OPN3: variants seen among roughly 807,000 people sequenced by gnomAD.
OPN3 encodes the protein opsin-3.
OPN3 carries 29 observed loss-of-function variants against 33.8 expected under a neutral mutation model. The ratio of observed to expected loss-of-function variants is 0.86; its 90% confidence interval spans 0.64 to 1.17. The LOEUF (loss-of-function observed/expected upper bound fraction) is 1.17, where lower values mean the gene tolerates loss of function less well. Ranked by LOEUF, OPN3 falls within the 50% of genes most tolerant of loss-of-function variation. The pLI is 0.00. For synonymous variants in OPN3, 216 were observed against 216.1 expected (o/e 1.00, Z 0.00); for missense variants, 437 against 514.1 (o/e 0.85, Z 1.45).
intron 1 of OPN3, among the ~76,000 whole-genome samples, chr1:241,639,628 T>C (rs962414800): frequency 6.7e-5 from 10 of 149,548 alleles, no homozygotes; most frequent in African/African-American, 2.5e-4. Flanking sequence ...GGGGGGCAGA[T>C]GAGAGACCAC....
intron 1 of OPN3, among the ~76,000 whole-genome samples, chr1:241,610,335 G>A (rs1049870642): frequency 6.6e-6 from 1 of 152,226 alleles, no homozygotes; most frequent in Non-Finnish European, 1.5e-5. Context: ...ACAAAGCTGT[G>A]TCGGGGAGCT....
At position 241,630,498 on chromosome 1, in the gene OPN3, CTT is replaced by C. The variant is rs993460469; in HGVS notation, c.373+9382_373+9383del. The C allele has an allele frequency of 1.4e-4, 22 of 152,086 alleles. No individual in the cohort carries two copies. The East Asian group carries it at 3.5e-3, about 24-fold the overall frequency. 9.4% of individuals were successfully genotyped at this position (152,086 alleles called of 1,614,324 possible). On this transcript the variant is annotated intron_variant, in intron 1 of 3. Coordinates refer to ENST00000366554, the MANE Select transcript of OPN3 (RefSeq NM_014322.3). Reference sequence around the variant, plus strand: ...GTATCCTGCAACTTCTTGAATTAGTCTTTGTTAGTACATTTTTATACTATAAG... The same window carrying C: ...GTATCCTGCAACTTCTTGAATTAGTCTGTTAGTACATTTTTATACTATAAG...
chr1:241,607,588 GAAA>G lies in OPN3; in HGVS notation c.374-3012_374-3010del, dbSNP rs1273588833. On this transcript the variant is annotated intron_variant, in intron 1 of 3. Coordinates refer to ENST00000366554, the MANE Select transcript of OPN3 (RefSeq NM_014322.3). ...GAAAGAAAGAAAGAAAAGAAAGAAAGAAAGGAAGAAAGAGAGAAAGGAGGGAAG... is the reference window on the plus strand; with the variant it reads ...GAAAGAAAGAAAGAAAAGAAAGAAAGGGAAGAAAGAGAGAAAGGAGGGAAG... Among the ~76,000 whole-genome samples the G allele has an allele frequency of 1.6e-3, 219 of 138,498 alleles. 2 individuals are homozygous for G. Among genetic ancestry groups the G allele is most frequent in the African/African-American group, 5.5e-3 (200 of 36,224 alleles). The allele number at this position is 138,498 out of a possible 152,430, so 90.9% of individuals were successfully genotyped here. A position where few individuals can be genotyped will look rare whatever the true frequency, so the allele number is the denominator to read the frequency against.
intron 2 of OPN3, among the ~76,000 whole-genome samples, chr1:241,601,485 A>G (rs1057114121): frequency 3.3e-5 from 5 of 152,048 alleles, no homozygotes; most frequent in Non-Finnish European, 7.4e-5. Context: ...CGGGCAGATC[A>G]TGAGGTCAGG....
At chr1:241,605,454 C>T (rs145071014) in intron 1 of OPN3, among the ~76,000 whole-genome samples, 21 of 152,262 alleles carry the variant, frequency 1.4e-4, no homozygotes, top group African/African-American at 2.2e-4. Flanking sequence ...TCACGTGTAC[C>T]GCTATTTTGC....
chr1:241,623,428 A>G (rs567538248), intron 1 of OPN3, among the ~76,000 whole-genome samples: 1 of 152,272 alleles, frequency 6.6e-6, no homozygotes, highest in South Asian at 2.1e-4. Flanking sequence ...CATCTTCCAT[A>G]TGGACACAAA....
intron 1 of OPN3, chr1:241,629,519 G>A (rs1350353062): frequency 6.6e-6 from 1 of 152,040 alleles, no homozygotes; most frequent in Non-Finnish European, 1.5e-5. Flanking sequence ...TATGCATATA[G>A]TTTTACAAAA....
At chr1:241,603,315 T>C (rs1276170726) in intron 2 of OPN3, among the ~76,000 whole-genome samples, 1 of 152,100 alleles carries the variant, frequency 6.6e-6, no homozygotes, top group East Asian at 1.9e-4. Flanking sequence ...GCAGACTTAC[T>C]TGATAAGAAT....
chr1:241,638,399 G>C (rs1032132193), intron 1 of OPN3, among the ~76,000 whole-genome samples: 4 of 152,056 alleles, frequency 2.6e-5, no homozygotes, highest in African/African-American at 9.7e-5. Flanking sequence ...TCAAACTCCC[G>C]GGCACGAAAA....
At chr1:241,634,674 G>A in intron 1 of OPN3, 1 of 1,614,016 alleles carries the variant, frequency 6.2e-7, no homozygotes, top group South Asian at 1.1e-5. Flanking sequence ...CCGAGACACT[G>A]AAGGAAGTTT....
chr1:241,640,311 G>T lies in OPN3; in HGVS notation c.-57C>A. On this transcript the variant is annotated 5_prime_UTR_variant, in exon 1 of 4. Coordinates refer to ENST00000366554, the MANE Select transcript of OPN3 (RefSeq NM_014322.3). ...GCGCTCAGCTTGCGGCGGGGCTCGC[G>T]GCGCGCTCCGCACTGGGTGGGGTTG... 9.1e-7 allele frequency: 1 copy of T among 1,100,544 alleles called. No individual in the cohort carries two copies. The highest frequency in any genetic ancestry group is 4.4e-5 in the South Asian group (1 of 22,510). The allele number at this position is 1,100,544 out of a possible 1,614,324, so 68.2% of individuals were successfully genotyped here.
At chr1:241,608,287 G>C (rs1663894215) in intron 1 of OPN3, among the ~76,000 whole-genome samples, 1 of 152,152 alleles carries the variant, frequency 6.6e-6, no homozygotes, top group South Asian at 2.1e-4. Context: ...AAAGCAATAA[G>C]CTGGTAAAAT....
At chr1:241,602,651 T>C (rs569203866) in intron 2 of OPN3, among the ~76,000 whole-genome samples, 1 of 151,114 alleles carries the variant, frequency 6.6e-6, no homozygotes, top group East Asian at 1.9e-4. Context: ...GAGAGAGAGA[T>C]AGAGATAGAG....
intron 1 of OPN3, chr1:241,615,856 G>A (rs1286378906): frequency 1.1e-5 from 5 of 456,500 alleles, no homozygotes; most frequent in Non-Finnish European, 1.8e-5. Context: ...TTGCATACCT[G>A]CATGCAGATA....
chr1:241,622,050 G>C (rs1191885136), intron 1 of OPN3, among the ~76,000 whole-genome samples: 2 of 152,174 alleles, frequency 1.3e-5, no homozygotes, highest in African/African-American at 4.8e-5. Context: ...TGGGGAGAGA[G>C]AGTGAGACAT....
chr1:241,627,045 TATTAGA>T (rs1363340317), intron 1 of OPN3, among the ~76,000 whole-genome samples: 1 of 152,172 alleles, frequency 6.6e-6, no homozygotes, highest in African/African-American at 2.4e-5. Flanking sequence ...GTCCAGAGTG[TATTAGA>T]ATTAAATATA....
chr1:241,607,680 G>A (rs1663875080), intron 1 of OPN3, among the ~76,000 whole-genome samples: 1 of 145,756 alleles, frequency 6.9e-6, no homozygotes, highest in African/African-American at 2.5e-5. Context: ...AAGGAAGAAA[G>A]AGAGAAAGGA....
chr1:241,630,236 C>A (rs1488191425), intron 1 of OPN3: 2 of 151,990 alleles, frequency 1.3e-5, no homozygotes, highest in East Asian at 3.9e-4. Context: ...TTCAAAAAAA[C>A]TCCCCATCTC....
chr1:241,607,611 G>A (rs1178757420), intron 1 of OPN3, among the ~76,000 whole-genome samples: 3 of 140,576 alleles, frequency 2.1e-5, no homozygotes, highest in African/African-American at 8.0e-5. Flanking sequence ...AGAGAAAGGA[G>A]GGAAGGAAGG....
Sources: allele counts gnomAD v4.1 joint callset (sites outside exome capture counted in the v4.1 genomes callset), GRCh38; gene constraint gnomAD v4.1.1; transcripts MANE v1.5; gene names NCBI Gene and HGNC (gene_info 2026-07-23, HGNC 2026-07-21).